Variants in CDC42BPA observed in about 807,000 individuals in gnomAD.
CDC42BPA encodes CDC42 binding protein kinase alpha.
CDC42BPA carries 80 observed loss-of-function variants against 223.5 expected under a neutral mutation model. The ratio of observed to expected loss-of-function variants is 0.36; its 90% CI spans 0.30 to 0.43. CDC42BPA has a LOEUF of 0.43. CDC42BPA is among the 20% of genes least tolerant of loss of function. The pLI is 1.00. For missense variants in CDC42BPA, 1,743 were observed against 2,099.9 expected (o/e 0.83, Z 3.32); for synonymous variants, 694 against 718.6 (o/e 0.97, Z 0.55).
chr1:227,193,419 T>C (rs1373935635), intron 5 of CDC42BPA, among the ~76,000 whole-genome samples: 1 of 152,014 alleles, frequency 6.6e-6, no homozygotes, highest in Non-Finnish European at 1.5e-5. Context: ...CATGGACATA[T>C]TGTGTGGTTG....
rs938213110 is a variant in CDC42BPA at position 226,990,398 on chromosome 1, C to T, written c.*3870G>A. 1.3e-5 allele frequency: 2 copies of T among 152,322 alleles called. No homozygotes were observed. Among genetic ancestry groups the T allele is most frequent in the Admixed American group, 6.5e-5 (1 of 15,292 alleles). The allele number at this position is 152,322 out of a possible 1,614,324, so 9.4% of individuals were successfully genotyped here. A position where few individuals can be genotyped will look rare whatever the true frequency, so the allele number is the denominator to read the frequency against. ...GCAGAAGTGCACAGAGAACTCTGGA[C>T]TTGAGTAACAAAGTCATAAGGAAAG... On this transcript the variant is annotated 3_prime_UTR_variant, in exon 37 of 37. Coordinates refer to ENST00000366766, the MANE Select transcript of CDC42BPA (RefSeq NM_001394014.1).
intron 1 of CDC42BPA, among the ~76,000 whole-genome samples, chr1:227,309,203 CAAAAAAAA>C (rs35336462): frequency 6.2e-5 from 8 of 130,024 alleles, no homozygotes; most frequent in South Asian, 5.1e-4. Context: ...CTATCTCTAC[CAAAAAAAA>C]AAAAAAAAAA....
rs1016125729 is a variant in CDC42BPA at position 227,040,197 on chromosome 1, G to A, written c.3133C>T (p.Pro1045Ser). The change falls in exon 24 of 37, where the codon CCT becomes TCT. Residue 1045 changes from proline to serine, a missense_variant. Coordinates refer to ENST00000366766, the MANE Select transcript of CDC42BPA (RefSeq NM_001394014.1). Reference sequence around the variant, plus strand: ...GAGGTACACTGATGACACTTGGTAGGAGTAGTAAAAGATTTTACAAAAAAC... The same window carrying A: ...GAGGTACACTGATGACACTTGGTAGAAGTAGTAAAAGATTTTACAAAAAAC... ...HQFFVKSFTT[P>S]TKCHQCTSLM... 1.9e-6 allele frequency: 3 copies of A among 1,613,124 alleles called. No individual in the cohort carries two copies. The highest frequency in any genetic ancestry group is 2.5e-6 in the Non-Finnish European group (3 of 1,179,268).
intron 5 of CDC42BPA, among the ~76,000 whole-genome samples, chr1:227,180,174 C>T (rs1334866388): frequency 1.3e-5 from 2 of 152,156 alleles, no homozygotes; most frequent in Non-Finnish European, 2.9e-5. Flanking sequence ...CCACTGCACT[C>T]CAGCCTGGGT....
Position 226,994,784 on chromosome 1 carries a change from T to C in CDC42BPA, c.5133+39A>G, listed in dbSNP as rs1661279463. The C allele has an allele frequency of 6.4e-7, 1 of 1,564,332 alleles. No homozygotes were observed. The highest frequency in any genetic ancestry group is 1.4e-5 in the African/African-American group (1 of 73,532). Reference sequence around the variant, plus strand: ...GATTGCCTGGGAAGATGCCCTAGTCTTTCTGATACATGACGTCTCCGGAAC... The same window carrying C: ...GATTGCCTGGGAAGATGCCCTAGTCCTTCTGATACATGACGTCTCCGGAAC... On this transcript the variant is annotated intron_variant, in intron 36 of 36. Transcript: ENST00000366766. This position sits in a 1 kb window ranked among gnomAD's most constrained non-coding sequence, Gnocchi z 4.0.
In CDC42BPA at chr1:226,994,234, A is replaced by T; in HGVS notation, c.*34T>A. Reference sequence around the variant, plus strand: ...AAGTGAGAGGAGGCGAGTGGCAGGGAGCGGAGAGCGAGAGGTCCCAGTGCT... The same window carrying T: ...AAGTGAGAGGAGGCGAGTGGCAGGGTGCGGAGAGCGAGAGGTCCCAGTGCT... On this transcript the variant is annotated 3_prime_UTR_variant, in exon 37 of 37. Coordinates refer to ENST00000366766, the MANE Select transcript of CDC42BPA (RefSeq NM_001394014.1). This position sits in a 1 kb window ranked among gnomAD's most constrained non-coding sequence, Gnocchi z 4.0. 1 of 1,548,806 alleles carries T rather than the reference A, an allele frequency of 6.5e-7. No homozygotes were observed. Among genetic ancestry groups the T allele is most frequent in the Non-Finnish European group, 8.7e-7 (1 of 1,144,838 alleles).
intron 14 of CDC42BPA, 24 bp downstream of exon 14, chr1:227,112,288 C>T: frequency 7.4e-7 from 1 of 1,359,604 alleles, no homozygotes; most frequent in South Asian, 1.3e-5. Context: ...AATTAAGCTT[C>T]ATAAATGTGA....
At chr1:227,303,006 G>T (rs372124236) in intron 1 of CDC42BPA, among the ~76,000 whole-genome samples, 13,863 of 125,574 alleles carry the variant, frequency 0.11, 822 homozygotes, top group Middle Eastern at 0.19. Context: ...GGTTTTTTTG[G>T]GTTTTTTTTT....
intron 1 of CDC42BPA, among the ~76,000 whole-genome samples, chr1:227,266,124 G>C (rs1327167014): frequency 1.3e-5 from 2 of 152,160 alleles, no homozygotes; most frequent in African/African-American, 2.4e-5. Context: ...TTTTACCCCA[G>C]ATGATGAATT....
intron 5 of CDC42BPA, among the ~76,000 whole-genome samples, chr1:227,172,318 T>C (rs1666233355): frequency 6.6e-6 from 1 of 152,188 alleles, no homozygotes; most frequent in Non-Finnish European, 1.5e-5. Context: ...GTGAAGCTAT[T>C]ATTTAAGAAT....
chr1:227,302,656 G>T (rs1419225430), intron 1 of CDC42BPA, among the ~76,000 whole-genome samples: 1 of 152,060 alleles, frequency 6.6e-6, no homozygotes, highest in Non-Finnish European at 1.5e-5. Context: ...CTAGGAACTC[G>T]TGTCCTTTGG....
rs887283073 is a variant in CDC42BPA at position 226,992,758 on chromosome 1, C to T, written c.*1510G>A. 4.6e-5 allele frequency: 7 copies of T among 152,230 alleles called. No individual in the cohort carries two copies. The highest frequency in any genetic ancestry group is 1.0e-4 in the Non-Finnish European group (7 of 68,044). 9.4% of individuals were successfully genotyped at this position (152,230 alleles called of 1,614,324 possible). ...GATACTTTTATTTTTATCTCTTTCT[C>T]TACTCATGTGCTTAACTGGTGAAAT... On this transcript the variant is annotated 3_prime_UTR_variant, in exon 37 of 37. Coordinates refer to ENST00000366766, the MANE Select transcript of CDC42BPA (RefSeq NM_001394014.1).
At chr1:227,129,687 A>AAAAAAAAAAT (rs1656614801) in intron 10 of CDC42BPA, among the ~76,000 whole-genome samples, 1 of 141,916 alleles carries the variant, frequency 7.0e-6, no homozygotes, top group Non-Finnish European at 1.5e-5. Context: ...AAAAAAAAAA[A>AAAAAAAAAAT]AAAAAAATCC....
At chr1:227,048,078 A>G (rs1226598684) in intron 22 of CDC42BPA, 68 bp from the exon 23 acceptor site, 18 of 907,884 alleles carry the variant, frequency 2.0e-5, no homozygotes, top group Non-Finnish European at 2.9e-5. Flanking sequence ...TATAACTAGA[A>G]AGAAGCCAAA....
At chr1:227,212,091 TG>T (rs1674019540) in intron 3 of CDC42BPA, among the ~76,000 whole-genome samples, 1 of 151,984 alleles carries the variant, frequency 6.6e-6, no homozygotes, top group South Asian at 2.1e-4. Flanking sequence ...TTTGTTTGTT[TG>T]TTTTTTTTAG....
rs568521134 is a variant in CDC42BPA at position 227,090,809 on chromosome 1, AAAAC to A, written c.2355+1073_2355+1076del. Among the ~76,000 whole-genome samples, 693 of 152,322 alleles carry A rather than the reference AAAAC, an allele frequency of 4.5e-3. 5 individuals are homozygous for A. The highest frequency in any genetic ancestry group is 0.016 in the African/African-American group (668 of 41,570). On this transcript the variant is annotated intron_variant, in intron 16 of 36. Coordinates refer to ENST00000366766, the MANE Select transcript of CDC42BPA (RefSeq NM_001394014.1). Reference sequence around the variant, plus strand: ...CTGGGCGACAGAGCGAGACTGTATCAAAACAAACAAACAATAAACTTCTGGTTAA... The same window carrying A: ...CTGGGCGACAGAGCGAGACTGTATCAAAACAAACAATAAACTTCTGGTTAA...
Position 227,258,541 on chromosome 1 carries a change from G to A in CDC42BPA, c.179-4386C>T, listed in dbSNP as rs540018171. 2.0e-5 allele frequency among the ~76,000 whole-genome samples: 3 copies of A among 150,966 alleles called. No homozygotes were observed. In the South Asian group the frequency reaches 6.2e-4, roughly 31 times the overall value. On this transcript the variant is annotated intron_variant, in intron 1 of 36. Coordinates refer to ENST00000366766, the MANE Select transcript of CDC42BPA (RefSeq NM_001394014.1). ...AGAAAATGAATCAAAACAAAGCTAA[G>A]GGTTATACAAATCATTACTGAGCAC...
chr1:227,104,688 C>T (rs1412575097), intron 14 of CDC42BPA, among the ~76,000 whole-genome samples: 1 of 152,066 alleles, frequency 6.6e-6, no homozygotes, highest in African/African-American at 2.4e-5. Flanking sequence ...CGGTAAGGCA[C>T]ACCCCTAATT....
chr1:227,179,659 A>AAAAAAAAAAAAAAAAAAAAAAAG (rs1216438998), intron 5 of CDC42BPA, among the ~76,000 whole-genome samples: 1 of 146,890 alleles, frequency 6.8e-6, no homozygotes, highest in African/African-American at 2.6e-5. Context: ...AAAAAAAAAA[A>AAAAAAAAAAAAAAAAAAAAAAAG]AGCTATTTTA....
Sources: gnomAD v4.1 joint callset for allele counts (sites outside exome capture counted in the v4.1 genomes callset) on GRCh38, gnomAD v4.1.1 for gene constraint, Gnocchi (gnomAD v3.1) non-coding constraint, MANE v1.5 for transcripts, NCBI Gene and HGNC (gene_info 2026-07-23, HGNC 2026-07-21) for gene names.